The following UGT1A3 variants were observed in gnomAD, a reference collection of about 807,000 sequenced individuals.
UGT1A3 encodes UDP glucuronosyltransferase family 1 member A3, also known as UDP-glucuronosyltransferase 1A3.
In UGT1A3, 31 loss-of-function variants were observed where a neutral mutation model predicts 41.0. The ratio of observed to expected loss-of-function variants is 0.76; its 90% CI spans 0.57 to 1.02. UGT1A3 has a LOEUF of 1.02. UGT1A3 is among the 50% of genes least tolerant of loss of function. The pLI is 0.00. For synonymous variants in UGT1A3, 262 were observed against 257.6 expected, an observed-to-expected ratio of 1.02 and a Z score of -0.17; for missense variants, 737 against 671.0, an observed-to-expected ratio of 1.10 and a Z score of -1.09.
chr2:233,733,436 G>A (rs2078397447), intron 1 of UGT1A3, among the ~76,000 whole-genome samples: 1 of 152,134 alleles, frequency 6.6e-6, no homozygotes, highest in South Asian at 2.1e-4. Context: ...TATGATATTG[G>A]CTGCGGGTTT....
chr2:233,761,456 C>A (rs938437013), intron 1 of UGT1A3, among the ~76,000 whole-genome samples: 1 of 152,214 alleles, frequency 6.6e-6, no homozygotes, highest in African/African-American at 2.4e-5. Context: ...GGGTTTGGGG[C>A]ACCCTGCAGA....
rs1171527500 is a variant in UGT1A3, at chr2:233,760,898, T to C, written c.868-6136T>C. 2 of 1,613,998 alleles carry C rather than the reference T, an allele frequency of 1.2e-6. No homozygotes were observed. Among genetic ancestry groups the C allele is most frequent in the Non-Finnish European group, 1.7e-6 (2 of 1,180,014 alleles). On this transcript the variant is annotated intron_variant, in intron 1 of 4. Transcript: ENST00000482026. ...CCTCTCTCCTCTCATTCAGATCACA[T>C]GACCTTCCTGCAGCGGGTGAAGAAC...
chr2:233,729,963 C>A lies in UGT1A3; in HGVS notation c.837C>A (p.Ile279=). The A allele has an allele frequency of 3.7e-6, 6 of 1,614,038 alleles. No individual in the cohort carries two copies. Among genetic ancestry groups the A allele is most frequent in the Non-Finnish European group, 5.1e-6 (6 of 1,179,918 alleles). The change falls in exon 1 of 5, where the codon ATC becomes ATA. Residue 279 remains isoleucine, a synonymous_variant. Coordinates refer to ENST00000482026, the MANE Select transcript of UGT1A3 (RefSeq NM_019093.4). ...CCAACATGGTCTTCATTGGGGGCAT[C>A]AACTGTGCCAACAGGAAGCCACTAT... ...IMPNMVFIGG[I]NCANRKPLSQ...
rs1181621220 is a variant in UGT1A3 at position 233,729,254 on chromosome 2, G to T, written c.128G>T (p.Ser43Ile). ...CCCATTGATGGCAGCCACTGGCTCAGCATGCGGGAGGTCTTGCGGGAGCTC... is the reference window on the plus strand; with the variant it reads ...CCCATTGATGGCAGCCACTGGCTCATCATGCGGGAGGTCTTGCGGGAGCTC... ...VVPIDGSHWL[S>I]MREVLRELHA... Residue 43 changes from serine (S) to isoleucine (I), a missense_variant, in exon 1 of 5, where the codon AGC (serine) becomes ATC (isoleucine). Ser to Ile is a moderately radical substitution (Grantham distance 142). Coordinates refer to ENST00000482026, the MANE Select transcript of UGT1A3 (RefSeq NM_019093.4). 6 of 1,614,100 alleles carry T rather than the reference G, an allele frequency of 3.7e-6. No individual in the cohort carries two copies. Among genetic ancestry groups the T allele is most frequent in the Middle Eastern group, 1.6e-4 (1 of 6,082 alleles).
intron 1 of UGT1A3, among the ~76,000 whole-genome samples, chr2:233,751,872 G>A (rs151015857): frequency 1.6e-4 from 24 of 152,228 alleles, no homozygotes; most frequent in African/African-American, 2.2e-4. Context: ...AAATTACCCC[G>A]TCTTGGGTAT....
chr2:233,761,361 C>A (rs1202698678), intron 1 of UGT1A3, among the ~76,000 whole-genome samples: 1 of 152,198 alleles, frequency 6.6e-6, no homozygotes, highest in Non-Finnish European at 1.5e-5. Context: ...GGAAAGCATT[C>A]CTTGGACATT....
chr2:233,737,998 C>A (rs1690658355), intron 1 of UGT1A3, among the ~76,000 whole-genome samples: 1 of 152,106 alleles, frequency 6.6e-6, no homozygotes, highest in South Asian at 2.1e-4. Context: ...GTGTCCCCCA[C>A]CAAATCTCAT....
rs1199920513 is a variant in UGT1A3, at chr2:233,767,073, A to G, written c.907A>G (p.Ile303Val). The change falls in exon 2 of 5, where the codon ATT becomes GTT. Residue 303 changes from isoleucine (I) to valine (V), a missense_variant. Coordinates refer to ENST00000482026, the MANE Select transcript of UGT1A3 (RefSeq NM_019093.4). ...CATTAATGCTTCTGGAGAACATGGA[A>G]TTGTGGTTTTCTCTTTGGGATCAAT... is the stretch of plus-strand genomic sequence containing the variant. Reference protein sequence around the residue: ...AYINASGEHGIVVFSLGSMVS... With the variant: ...AYINASGEHGVVVFSLGSMVS... 3.1e-6 allele frequency: 5 copies of G among 1,614,112 alleles called. No homozygotes were observed. Among genetic ancestry groups the G allele is most frequent in the Non-Finnish European group, 3.4e-6 (4 of 1,179,992 alleles).
intron 1 of UGT1A3, among the ~76,000 whole-genome samples, chr2:233,757,057 G>A (rs1201778154): frequency 6.6e-6 from 1 of 151,606 alleles, no homozygotes; most frequent in Non-Finnish European, 1.5e-5. Flanking sequence ...TTGGGGAACA[G>A]CAAGGGATCC....
intron 1 of UGT1A3, chr2:233,747,117 G>A: frequency 1.4e-6 from 2 of 1,451,680 alleles, no homozygotes; most frequent in Admixed American, 2.0e-5. Context: ...ATGATGATTT[G>A]CTAAGTGGCT....
intron 1 of UGT1A3, chr2:233,743,737 C>T: frequency 7.3e-7 from 1 of 1,367,416 alleles, no homozygotes. Flanking sequence ...TATCGCGTTT[C>T]TTGGCGTCCG....
intron 1 of UGT1A3, 57 bp from the exon 2 acceptor site, chr2:233,766,977 T>C: frequency 1.2e-6 from 2 of 1,612,554 alleles, no homozygotes; most frequent in Non-Finnish European, 1.7e-6. Context: ...ACTTACTGTA[T>C]GTAGTCATCA....
At position 233,729,937 on chromosome 2, in the gene UGT1A3, C is replaced by A; in HGVS notation, c.811C>A (p.Pro271Thr). The A allele has an allele frequency of 3.1e-6, 5 of 1,614,026 alleles. No individual in the cohort carries two copies. The Admixed American group carries it at 8.3e-5, about 27-fold the overall frequency. The change falls in exon 1 of 5, where the codon CCC (proline) becomes ACC (threonine). Residue 271 changes from proline (P) to threonine (T), a missense_variant. Coordinates refer to ENST00000482026, the MANE Select transcript of UGT1A3 (RefSeq NM_019093.4). ...GATGGACTACCCCAGGCCAATCATG[C>A]CCAACATGGTCTTCATTGGGGGCAT... is the stretch of plus-strand genomic sequence containing the variant. Reference protein sequence around the residue: ...FVMDYPRPIMPNMVFIGGINC... With the variant: ...FVMDYPRPIMTNMVFIGGINC...
At chr2:233,732,721 G>C (rs2078305544) in intron 1 of UGT1A3, among the ~76,000 whole-genome samples, 1 of 147,538 alleles carries the variant, frequency 6.8e-6, no homozygotes, top group South Asian at 2.1e-4. Context: ...TTGTAGTACA[G>C]TTTGAAGTCA....
chr2:233,763,341 T>C (rs1156611161), intron 1 of UGT1A3, among the ~76,000 whole-genome samples: 2 of 152,260 alleles, frequency 1.3e-5, no homozygotes, highest in African/African-American at 4.8e-5. Context: ...TACATTTCCC[T>C]AGCACATCTT....
At chr2:233,752,746 A>AAAACAAACAAAC (rs200752387) in intron 1 of UGT1A3, among the ~76,000 whole-genome samples, 1 of 152,190 alleles carries the variant, frequency 6.6e-6, no homozygotes, top group East Asian at 1.9e-4. Context: ...CCCTGTCTCT[A>AAAACAAACAAAC]AAACAAACAA....
chr2:233,748,202 A>G (rs1693892993), intron 1 of UGT1A3: 1 of 1,528,284 alleles, frequency 6.5e-7, no homozygotes. Flanking sequence ...GCTTGTCGTA[A>G]TAGCCTTCAG....
rs1476500325 is a variant in UGT1A3 at position 233,772,338 on chromosome 2, T to C, written c.1384T>C (p.Trp462Arg). ...PVEPLDLAVF[W>R]VEFVMRHKGA... ...GGAGCCGCTGGACCTGGCCGTGTTC[T>C]GGGTGGAGTTTGTGATGAGGCACAA... Residue 462 changes from tryptophan (W) to arginine (R), a missense_variant, in exon 5 of 5, where the codon TGG becomes CGG. Trp to Arg is a moderately radical substitution (Grantham distance 101). Coordinates refer to ENST00000482026, the MANE Select transcript of UGT1A3 (RefSeq NM_019093.4). 3.1e-6 allele frequency: 5 copies of C among 1,614,136 alleles called. No individual in the cohort carries two copies. The highest frequency in any genetic ancestry group is 4.2e-6 in the Non-Finnish European group (5 of 1,180,052).
chr2:233,757,475 A>T (rs1291183794), intron 1 of UGT1A3, among the ~76,000 whole-genome samples: 1 of 148,302 alleles, frequency 6.7e-6, no homozygotes, highest in Non-Finnish European at 1.5e-5. Context: ...CTGTCTCCAA[A>T]ACCATGGACT....
Sources: allele counts gnomAD v4.1 joint callset (sites outside exome capture counted in the v4.1 genomes callset), GRCh38; gene constraint gnomAD v4.1.1; transcripts MANE v1.5; gene names NCBI Gene and HGNC (gene_info 2026-07-23, HGNC 2026-07-21).